The following SLC35A5 variants were observed in gnomAD, a reference collection of about 807,000 sequenced individuals.
The protein encoded by SLC35A5 is solute carrier family 35 member A5, also known as UDP-sugar transporter protein SLC35A5.
SLC35A5 carries 28 observed loss-of-function variants against 36.3 expected under a neutral mutation model. That is an observed-to-expected ratio of 0.77 (90% confidence interval 0.57 to 1.06). SLC35A5 has a LOEUF of 1.06. SLC35A5 is among the 50% of genes least tolerant of loss of function. The probability of loss-of-function intolerance (pLI) is 0.00; values close to 1 mark genes in which losing one functional copy is unlikely to be tolerated. For synonymous variants in SLC35A5, 180 were observed against 173.7 expected, an observed-to-expected ratio of 1.04 and a Z score of -0.29; for missense variants, 521 against 499.3, an observed-to-expected ratio of 1.04 and a Z score of -0.41.
intron 4 of SLC35A5, among the ~76,000 whole-genome samples, chr3:112,571,207 A>T (rs72940095): frequency 0.027 from 4,041 of 152,314 alleles, 184 homozygotes; most frequent in African/African-American, 0.093. Flanking sequence ...TCTATAACTG[A>T]TAATGCTGGA....
chr3:112,572,194 G>T (rs914985836), intron 4 of SLC35A5, among the ~76,000 whole-genome samples: 1 of 150,128 alleles, frequency 6.7e-6, no homozygotes, highest in Non-Finnish European at 1.5e-5. Flanking sequence ...CACCCGCCTC[G>T]GCCTCCCAAA....
At chr3:112,575,355 G>A (rs773522950) in intron 5 of SLC35A5, among the ~76,000 whole-genome samples, 9 of 152,056 alleles carry the variant, frequency 5.9e-5, no homozygotes, top group Non-Finnish European at 1.0e-4. Context: ...ATTTACTAAA[G>A]ACTAAAAGTA....
chr3:112,562,650 T>A (rs1933977038), intron 1 of SLC35A5, among the ~76,000 whole-genome samples: 1 of 152,244 alleles, frequency 6.6e-6, no homozygotes, highest in South Asian at 2.1e-4. Context: ...GTTTCAGATA[T>A]TTCCATTTTG....
intron 5 of SLC35A5, among the ~76,000 whole-genome samples, chr3:112,577,857 C>A (rs1934738406): frequency 6.6e-6 from 1 of 152,218 alleles, no homozygotes; most frequent in South Asian, 2.1e-4. Flanking sequence ...TATAAATCTG[C>A]CCCTTGTCAC....
chr3:112,574,656 C>A lies in SLC35A5; in HGVS notation c.428+700C>A, dbSNP rs542708239. ...AATGATTAAAAAATAAAATTAATTT[C>A]TTATTAGATTTGTTTTTTTTAAATT... On this transcript the variant is annotated intron_variant, in intron 5 of 6. Transcript: ENST00000492406. Among the ~76,000 whole-genome samples, 5 of 142,248 alleles carry A rather than the reference C, an allele frequency of 3.5e-5. 1 individual carries two copies. The highest frequency in any genetic ancestry group is 3.5e-4 in the Admixed American group (5 of 14,468). 93.3% of individuals were successfully genotyped at this position (142,248 alleles called of 152,430 possible).
In SLC35A5 at chr3:112,585,128, A is replaced by C. The variant is rs1348740271; in HGVS notation, c.*2392A>C. The C allele has an allele frequency of 7.9e-5, 12 of 152,088 alleles. No individual in the cohort carries two copies. In the East Asian group the frequency reaches 2.1e-3, roughly 27 times the overall value. 9.4% of individuals were successfully genotyped at this position (152,088 alleles called of 1,614,324 possible). A position where few individuals can be genotyped will look rare whatever the true frequency, so the allele number is the denominator to read the frequency against. ...GACTCGCAGTTCTGCATGGCTGGGG[A>C]GGAGGCCTCAGGAAACTCACAAGCA... On this transcript the variant is annotated 3_prime_UTR_variant, in exon 7 of 7. Transcript: ENST00000492406.
At chr3:112,578,637 T>C (rs1236074234) in intron 5 of SLC35A5, among the ~76,000 whole-genome samples, 2 of 152,234 alleles carry the variant, frequency 1.3e-5, no homozygotes, top group African/African-American at 4.8e-5. Flanking sequence ...AAATCTACCA[T>C]TTTTAATTTT....
rs749638566 is a variant in SLC35A5 at position 112,569,253 on chromosome 3, C to G, written c.213C>G (p.Phe71Leu). ...VKLVFCVLVSFCVIKKDHQSR... is the reference protein window; with the variant it reads ...VKLVFCVLVSLCVIKKDHQSR... ...TAGTTTTCTGTGTGCTTGTGTCATTCTGTGTTATAAAGAAAGGTAAGTCTT... is the reference window on the plus strand; with the variant it reads ...TAGTTTTCTGTGTGCTTGTGTCATTGTGTGTTATAAAGAAAGGTAAGTCTT... Residue 71 changes from phenylalanine to leucine, a missense_variant, in exon 3 of 7, where the codon TTC becomes TTG. Physicochemically the swap from Phe to Leu is conservative, Grantham distance 22. Coordinates refer to ENST00000492406, the MANE Select transcript of SLC35A5 (RefSeq NM_017945.5). 1 of 1,613,648 alleles carries G rather than the reference C, an allele frequency of 6.2e-7. No homozygotes were observed. Among genetic ancestry groups the G allele is most frequent in the African/African-American group, 1.3e-5 (1 of 74,880 alleles).
chr3:112,567,769 G>A (rs928408775), intron 2 of SLC35A5, among the ~76,000 whole-genome samples: 2 of 152,190 alleles, frequency 1.3e-5, no homozygotes, highest in East Asian at 1.9e-4. Context: ...GTCTGGGATC[G>A]GCCGTGAAAG....
At chr3:112,561,901 G>A, upstream of SLC35A5, 1 of 246,710 alleles carries the variant, frequency 4.1e-6, no homozygotes, top group Non-Finnish European at 7.9e-6. Context: ...GCCCCTTCCG[G>A]CTTCCCTTCC....
At chr3:112,581,603 A>G (rs902742067) in intron 6 of SLC35A5, among the ~76,000 whole-genome samples, 2 of 152,186 alleles carry the variant, frequency 1.3e-5, no homozygotes, top group African/African-American at 4.8e-5. Flanking sequence ...GATACCTCAC[A>G]GGTTGTCTTG....
chr3:112,572,068 G>A lies in SLC35A5; in HGVS notation c.360+1398G>A, dbSNP rs1047087091. Among the ~76,000 whole-genome samples the A allele has an allele frequency of 7.4e-5, 11 of 149,034 alleles. No individual in the cohort carries two copies. In the Admixed American group the frequency reaches 7.4e-4, roughly 10 times the overall value. Reference sequence around the variant, plus strand: ...CGCCATTCTCCTGCCTCAGCCTCCCGAGTAGCTGGGACTACAGGCGCCCGC... The same window carrying A: ...CGCCATTCTCCTGCCTCAGCCTCCCAAGTAGCTGGGACTACAGGCGCCCGC... On this transcript the variant is annotated intron_variant, in intron 4 of 6. Transcript: ENST00000492406.
chr3:112,580,827 T>A lies in SLC35A5; in HGVS notation c.710T>A (p.Ile237Lys). 1 of 1,614,190 alleles carries A rather than the reference T, an allele frequency of 6.2e-7. No individual in the cohort carries two copies. Among genetic ancestry groups the A allele is most frequent in the Non-Finnish European group, 8.5e-7 (1 of 1,180,004 alleles). ...IRLGMGHVLIIVQCFISSMAN... is the reference protein window; with the variant it reads ...IRLGMGHVLIKVQCFISSMAN... ...CTTGGCATGGGCCATGTTCTTATTATAGTCCAGTGTTTTATTTCTTCAATG... is the reference window on the plus strand; with the variant it reads ...CTTGGCATGGGCCATGTTCTTATTAAAGTCCAGTGTTTTATTTCTTCAATG... The change falls in exon 6 of 7, where the codon ATA (isoleucine) becomes AAA (lysine). Residue 237 changes from isoleucine to lysine, a missense_variant. Transcript: ENST00000492406.
At position 112,583,149 on chromosome 3, in the gene SLC35A5, A is replaced by G; in HGVS notation, c.*413A>G. Reference sequence around the variant, plus strand: ...CAAAGTCTTCCCTTTTTAACATTATAAAAGCTAGGTTGTCTCTTGAATTTT... The same window carrying G: ...CAAAGTCTTCCCTTTTTAACATTATGAAAGCTAGGTTGTCTCTTGAATTTT... On this transcript the variant is annotated 3_prime_UTR_variant, in exon 7 of 7. Coordinates refer to ENST00000492406, the MANE Select transcript of SLC35A5 (RefSeq NM_017945.5). The G allele has an allele frequency of 5.0e-6, 2 of 399,206 alleles. No homozygotes were observed. Among genetic ancestry groups the G allele is most frequent in the Admixed American group, 8.8e-5 (2 of 22,822 alleles). 24.7% of individuals were successfully genotyped at this position (399,206 alleles called of 1,614,324 possible).
intron 1 of SLC35A5, 27 bp from the exon 2 acceptor site, chr3:112,563,358 G>A: frequency 1.1e-5 from 15 of 1,416,264 alleles, no homozygotes; most frequent in Non-Finnish European, 1.3e-5. Flanking sequence ...CAACAAGGTC[G>A]TTCATGAAAG....
At chr3:112,577,121 TAAA>T (rs1241339537) in intron 5 of SLC35A5, among the ~76,000 whole-genome samples, 1 of 151,690 alleles carries the variant, frequency 6.6e-6, no homozygotes, top group Non-Finnish European at 1.5e-5. Context: ...TAAAAATTCT[TAAA>T]AAGAATATGA....
chr3:112,582,158 T>C (rs1934957148), intron 6 of SLC35A5, among the ~76,000 whole-genome samples: 1 of 152,162 alleles, frequency 6.6e-6, no homozygotes, highest in African/African-American at 2.4e-5. Context: ...TTGGGAAAAA[T>C]AATCTATTGC....
Position 112,580,821 on chromosome 3 carries a change from T to C in SLC35A5, c.704T>C (p.Leu235Pro). Residue 235 changes from leucine (L) to proline (P), a missense_variant, in exon 6 of 7, where the codon CTT (leucine) becomes CCT (proline). Leu to Pro is a moderately conservative substitution (Grantham distance 98). Transcript: ENST00000492406. ...ATCCGTCTTGGCATGGGCCATGTTC[T>C]TATTATAGTCCAGTGTTTTATTTCT... ...SHIRLGMGHV[L>P]IIVQCFISSM... is the part of the protein sequence containing the mutation. 6.2e-7 allele frequency: 1 copy of C among 1,614,190 alleles called. No homozygotes were observed. Among genetic ancestry groups the C allele is most frequent in the Non-Finnish European group, 8.5e-7 (1 of 1,179,996 alleles).
At chr3:112,577,131 A>G (rs568515362) in intron 5 of SLC35A5, among the ~76,000 whole-genome samples, 29 of 151,994 alleles carry the variant, frequency 1.9e-4, no homozygotes, top group African/African-American at 6.7e-4. Flanking sequence ...TAAAAAGAAT[A>G]TGAGGCTACA....
Sources: gnomAD v4.1 joint callset for allele counts (sites outside exome capture counted in the v4.1 genomes callset) on GRCh38, gnomAD v4.1.1 for gene constraint, MANE v1.5 for transcripts, NCBI Gene and HGNC (gene_info 2026-07-23, HGNC 2026-07-21) for gene names.